AQP11: variants seen among roughly 807,000 people sequenced by gnomAD.
The protein encoded by AQP11 is aquaporin-11.
A neutral mutation model predicts 21.1 loss-of-function variants in AQP11; 20 were observed. The ratio of observed to expected loss-of-function variants is 0.95; its 90% confidence interval spans 0.67 to 1.38. AQP11 has a LOEUF of 1.38. AQP11 is among the 40% of genes most tolerant of loss of function. AQP11 has a pLI of 0.00. For missense variants in AQP11, 339 were observed against 340.4 expected, an observed-to-expected ratio of 1.00 and a Z score of 0.03; for synonymous variants, 167 against 150.1, an observed-to-expected ratio of 1.11 and a Z score of -0.82.
intron 1 of AQP11, among the ~76,000 whole-genome samples, chr11:77,600,820 G>A (rs999164670): frequency 1.3e-5 from 2 of 152,158 alleles, no homozygotes; most frequent in East Asian, 1.9e-4. Flanking sequence ...AGACCATCCC[G>A]GCTAAAACGG....
At chr11:77,603,841 C>G (rs1446541899) in intron 2 of AQP11, among the ~76,000 whole-genome samples, 169 bp downstream of exon 2, 1 of 152,070 alleles carries the variant, frequency 6.6e-6, no homozygotes, top group African/African-American at 2.4e-5. Context: ...TCCTTTAAAA[C>G]TGTTAAAGGT....
intron 1 of AQP11, among the ~76,000 whole-genome samples, chr11:77,596,560 A>ATATATATATATATG (rs1554976434): frequency 7.5e-6 from 1 of 133,118 alleles, no homozygotes; most frequent in African/African-American, 2.9e-5. Flanking sequence ...ATATATATAT[A>ATATATATATATATG]TATGTATGTA....
rs945189583 is a variant in AQP11, at chr11:77,610,293, C to T, written c.*916C>T. ...AGAAACATTAAATACTTTATAATAACGTTAAAACTTGTTTAGAAATTAACT... is the reference window on the plus strand; with the variant it reads ...AGAAACATTAAATACTTTATAATAATGTTAAAACTTGTTTAGAAATTAACT... On this transcript the variant is annotated 3_prime_UTR_variant, in exon 3 of 3. Coordinates refer to ENST00000313578, the MANE Select transcript of AQP11 (RefSeq NM_173039.3). 3.9e-5 allele frequency: 6 copies of T among 152,124 alleles called. No individual in the cohort carries two copies. Among genetic ancestry groups the T allele is most frequent in the African/African-American group, 9.7e-5 (4 of 41,436 alleles). 9.4% of individuals were successfully genotyped at this position (152,124 alleles called of 1,614,324 possible).
At chr11:77,591,358 A>G in intron 1 of AQP11, 2 of 958,330 alleles carry the variant, frequency 2.1e-6, no homozygotes, top group Non-Finnish European at 2.5e-6. Context: ...AGGAAATCCA[A>G]AACACAAGTA....
chr11:77,593,904 T>C (rs1165269810), intron 1 of AQP11, among the ~76,000 whole-genome samples: 1 of 152,198 alleles, frequency 6.6e-6, no homozygotes, highest in Non-Finnish European at 1.5e-5. Flanking sequence ...TTATGATGTA[T>C]ACTACAACAT....
rs151016053 is a variant in AQP11, at chr11:77,600,362, G to C, written c.620-3194G>C. On this transcript the variant is annotated intron_variant, in intron 1 of 2. Coordinates refer to ENST00000313578, the MANE Select transcript of AQP11 (RefSeq NM_173039.3). The stretch of plus-strand genomic sequence containing the variant: ...ACCTTACTCAGCAGGCTTTATTCCT[G>C]ATAGCCAAGAGCCGGAAACAACTAT... Among the ~76,000 whole-genome samples the C allele has an allele frequency of 5.7e-3, 865 of 152,252 alleles. 3 individuals are homozygous for C. The highest frequency in any genetic ancestry group is 9.5e-3 in the Non-Finnish European group (647 of 68,038).
intron 1 of AQP11, among the ~76,000 whole-genome samples, chr11:77,598,456 A>G (rs141515046): frequency 2.5e-4 from 38 of 152,338 alleles, no homozygotes; most frequent in African/African-American, 8.9e-4. Context: ...TCAAATGTCA[A>G]TAAATAGTAA....
intron 1 of AQP11, among the ~76,000 whole-genome samples, chr11:77,596,799 G>C (rs951309899): frequency 5.2e-4 from 79 of 151,440 alleles, no homozygotes; most frequent in South Asian, 1.0e-3. Context: ...GTTTGAGGCT[G>C]TATTGAGCCA....
chr11:77,590,724 G>A, intron 1 of AQP11, 113 bp downstream of exon 1: 2 of 1,503,870 alleles, frequency 1.3e-6, no homozygotes, highest in Non-Finnish European at 1.8e-6. Context: ...TGTAAATGCT[G>A]GTATCCCCGT....
At chr11:77,602,902 A>G (rs1411501816) in intron 1 of AQP11, among the ~76,000 whole-genome samples, 2 of 152,212 alleles carry the variant, frequency 1.3e-5, no homozygotes, top group African/African-American at 4.8e-5. Flanking sequence ...ACTGCTGGAC[A>G]GGCATCCAGC....
chr11:77,607,448 C>T (rs1029870170), intron 2 of AQP11, among the ~76,000 whole-genome samples: 1 of 152,108 alleles, frequency 6.6e-6, no homozygotes, highest in African/African-American at 2.4e-5. Context: ...CCCAAGGTAT[C>T]CACCTTCTTT....
At chr11:77,600,157 T>C (rs887733466) in intron 1 of AQP11, among the ~76,000 whole-genome samples, 2 of 128,818 alleles carry the variant, frequency 1.6e-5, no homozygotes, top group Non-Finnish European at 3.3e-5. Flanking sequence ...TTAGTAGAGG[T>C]GGGGTTTTAC....
At chr11:77,605,739 A>T (rs1477435187) in intron 2 of AQP11, among the ~76,000 whole-genome samples, 1 of 152,156 alleles carries the variant, frequency 6.6e-6, no homozygotes, top group Non-Finnish European at 1.5e-5. Flanking sequence ...GAATTATTTC[A>T]TCCATTACTT....
intron 1 of AQP11, among the ~76,000 whole-genome samples, chr11:77,593,944 A>C (rs1307798970): frequency 6.6e-6 from 1 of 152,262 alleles, no homozygotes; most frequent in East Asian, 1.9e-4. Context: ...TATGCCAAGC[A>C]AAATAAGCCA....
At chr11:77,600,797 G>T (rs1304543077) in intron 1 of AQP11, among the ~76,000 whole-genome samples, 2 of 152,148 alleles carry the variant, frequency 1.3e-5, no homozygotes, top group Non-Finnish European at 2.9e-5. Context: ...CGGATCACGA[G>T]GTCAGGAGAT....
At chr11:77,593,802 C>T (rs529376079) in intron 1 of AQP11, among the ~76,000 whole-genome samples, 2 of 152,274 alleles carry the variant, frequency 1.3e-5, no homozygotes, top group East Asian at 1.9e-4. Context: ...AAAGCTCATA[C>T]GGATTCATTA....
At chr11:77,606,509 TC>T in intron 2 of AQP11, among the ~76,000 whole-genome samples, 1 of 151,790 alleles carries the variant, frequency 6.6e-6, no homozygotes. Flanking sequence ...ATCCGAACAT[TC>T]CCCCTAACCC....
intron 1 of AQP11, 94 bp downstream of exon 1, chr11:77,590,705 C>T: frequency 1.3e-6 from 2 of 1,513,226 alleles, no homozygotes; most frequent in East Asian, 4.5e-5. Flanking sequence ...ACCGTCTATC[C>T]CGCTATGATG....
intron 1 of AQP11, among the ~76,000 whole-genome samples, chr11:77,598,021 G>A (rs1958793833): frequency 6.6e-6 from 1 of 152,150 alleles, no homozygotes; most frequent in Non-Finnish European, 1.5e-5. Flanking sequence ...TTACAGGCGT[G>A]AGCCACCACG....
Sources: allele counts gnomAD v4.1 joint callset (sites outside exome capture counted in the v4.1 genomes callset), GRCh38; gene constraint gnomAD v4.1.1; transcripts MANE v1.5; gene names NCBI Gene and HGNC (gene_info 2026-07-23, HGNC 2026-07-21).